PRMT9: variants seen among roughly 807,000 people sequenced by gnomAD.
PRMT9 encodes the protein protein arginine N-methyltransferase 9.
A neutral mutation model predicts 83.2 loss-of-function variants in PRMT9; 59 were observed. The ratio of observed to expected loss-of-function variants is 0.71; its 90% CI spans 0.57 to 0.88. The LOEUF is 0.88. Ranked by LOEUF, PRMT9 falls within the 40% of genes least tolerant of loss-of-function variation. The pLI, the probability that PRMT9 is intolerant of heterozygous loss-of-function variation, is 0.00. For synonymous variants in PRMT9, 333 were observed against 353.2 expected, an observed-to-expected ratio of 0.94 and a Z score of 0.64; for missense variants, 947 against 1,021.9, an observed-to-expected ratio of 0.93 and a Z score of 1.00.
intron 10 of PRMT9, among the ~76,000 whole-genome samples, chr4:147,641,890 G>A (rs986282111): frequency 5.3e-5 from 8 of 152,084 alleles, no homozygotes; most frequent in Non-Finnish European, 1.2e-4. Context: ...TTGAACTTAT[G>A]AGCTCGAGCA....
chr4:147,653,042 T>C (rs75989385), intron 9 of PRMT9, among the ~76,000 whole-genome samples: 8,805 of 152,296 alleles, frequency 0.058, 327 homozygotes, highest in Non-Finnish European at 0.081. Flanking sequence ...ATATATGGAT[T>C]CATGCGTGTG....
rs181264938 is a variant in PRMT9 at position 147,672,232 on chromosome 4, G to A, written c.743+727C>T. Among the ~76,000 whole-genome samples the A allele has an allele frequency of 3.3e-5, 5 of 152,332 alleles. No individual in the cohort carries two copies. In the East Asian group the frequency reaches 9.6e-4, roughly 29 times the overall value. ...TATGTTAAGATAAATACTATTATAT[G>A]TATGGAAGAAAACTTTTTAAAGTCA... On this transcript the variant is annotated intron_variant, in intron 4 of 11. Transcript: ENST00000322396.
Position 147,661,689 on chromosome 4 carries a change from C to T in PRMT9, c.954-651G>A, listed in dbSNP as rs1416381422. On this transcript the variant is annotated intron_variant, in intron 6 of 11. Coordinates refer to ENST00000322396, the MANE Select transcript of PRMT9 (RefSeq NM_138364.4). The stretch of plus-strand genomic sequence containing the variant: ...CCTGTAGTTCCAGCTACTTGGAAGG[C>T]TGAGGCAGGAGAATGCAGTGAACCC... Among the ~76,000 whole-genome samples the T allele has an allele frequency of 2.7e-5, 4 of 145,976 alleles. No homozygotes were observed. In the East Asian group the frequency reaches 8.3e-4, roughly 30 times the overall value.
intron 7 of PRMT9, 29 bp from the exon 8 acceptor site, chr4:147,658,004 GTT>G: frequency 6.9e-7 from 1 of 1,446,988 alleles, no homozygotes; most frequent in Non-Finnish European, 9.6e-7. Flanking sequence ...GAATGAAACG[GTT>G]TTATATATTT....
intron 10 of PRMT9, among the ~76,000 whole-genome samples, chr4:147,640,201 T>G (rs1166398979): frequency 6.7e-6 from 1 of 150,372 alleles, no homozygotes; most frequent in Non-Finnish European, 1.5e-5. Context: ...GCCTCCCAAG[T>G]AGCTAGGACT....
At chr4:147,645,812 G>A (rs1733690233) in intron 9 of PRMT9, among the ~76,000 whole-genome samples, 1 of 152,212 alleles carries the variant, frequency 6.6e-6, no homozygotes, top group African/African-American at 2.4e-5. Flanking sequence ...AGGAAAGTTA[G>A]AGATGACTCC....
At chr4:147,680,251 A>T in intron 2 of PRMT9, 72 bp downstream of exon 2, 1 of 1,384,978 alleles carries the variant, frequency 7.2e-7, no homozygotes, top group Non-Finnish European at 1.0e-6. Context: ...TGTTAAAATT[A>T]CAGTATGATT....
intron 2 of PRMT9, among the ~76,000 whole-genome samples, chr4:147,678,353 T>C (rs907644772): frequency 3.3e-5 from 5 of 152,232 alleles, no homozygotes; most frequent in Non-Finnish European, 7.3e-5. Flanking sequence ...ATGTGAGCAA[T>C]TGTCACTTTC....
chr4:147,677,217 A>T (rs1462446899), intron 2 of PRMT9, among the ~76,000 whole-genome samples: 1 of 152,032 alleles, frequency 6.6e-6, no homozygotes, highest in East Asian at 1.9e-4. Flanking sequence ...AGATGTATTA[A>T]AACAAACCCA....
In PRMT9 at chr4:147,681,711, C is replaced by T. The variant is rs1736480870; in HGVS notation, c.190-1240G>A. On this transcript the variant is annotated intron_variant, in intron 1 of 11. Transcript: ENST00000322396. ...CTGAGGCAGGAGAATTGCTTGAACCCAGGAGGTGGAGGTTGCAGTGAACCG... is the reference window on the plus strand; with the variant it reads ...CTGAGGCAGGAGAATTGCTTGAACCTAGGAGGTGGAGGTTGCAGTGAACCG... Among the ~76,000 whole-genome samples the T allele has an allele frequency of 3.3e-5, 5 of 151,866 alleles. No individual in the cohort carries two copies. The South Asian group carries it at 1.0e-3, about 32-fold the overall frequency.
At chr4:147,644,414 G>A (rs929809856) in intron 9 of PRMT9, among the ~76,000 whole-genome samples, 2 of 150,712 alleles carry the variant, frequency 1.3e-5, no homozygotes, top group Non-Finnish European at 3.0e-5. Flanking sequence ...TACTGGAGGA[G>A]AGAGAGTCAA....
In PRMT9 at chr4:147,669,043, G is replaced by A. The variant is rs572357989; in HGVS notation, c.847-398C>T. On this transcript the variant is annotated intron_variant, in intron 5 of 11. Transcript: ENST00000322396. The stretch of plus-strand genomic sequence containing the variant: ...AGAGGCTGCAGTGAGCCGAGATCAC[G>A]CCACTGCACTCCAGCCTGGGCTACA... 2.0e-3 allele frequency among the ~76,000 whole-genome samples: 306 copies of A among 151,878 alleles called. 1 individual carries two copies. The highest frequency in any genetic ancestry group is 3.8e-3 in the Non-Finnish European group (257 of 67,956).
intron 4 of PRMT9, among the ~76,000 whole-genome samples, chr4:147,671,302 T>C (rs1490234709): frequency 6.6e-6 from 1 of 152,224 alleles, no homozygotes; most frequent in Non-Finnish European, 1.5e-5. Context: ...CTCCTATATG[T>C]TGACTGTGCC....
At chr4:147,649,060 CGTT>C (rs924770422) in intron 9 of PRMT9, among the ~76,000 whole-genome samples, 8 of 151,976 alleles carry the variant, frequency 5.3e-5, no homozygotes, top group African/African-American at 1.5e-4. Context: ...AAAAAAATAA[CGTT>C]GTAACTCAAA....
chr4:147,660,079 T>C (rs1299372721), intron 7 of PRMT9, among the ~76,000 whole-genome samples: 1 of 152,214 alleles, frequency 6.6e-6, no homozygotes, highest in African/African-American at 2.4e-5. Context: ...GGATTATTGT[T>C]CATTTTGTTA....
intron 9 of PRMT9, among the ~76,000 whole-genome samples, chr4:147,650,525 A>G (rs1043053323): frequency 6.6e-6 from 1 of 152,244 alleles, no homozygotes; most frequent in Non-Finnish European, 1.5e-5. Flanking sequence ...TAGCTTAAAA[A>G]AAAATTTAAA....
At chr4:147,642,970 C>G in intron 9 of PRMT9, 30 bp from the exon 10 acceptor site, 3 of 1,609,682 alleles carry the variant, frequency 1.9e-6, no homozygotes, top group African/African-American at 1.3e-5. Context: ...TTTTAAAAAG[C>G]TCTTGGGGCA....
intron 9 of PRMT9, among the ~76,000 whole-genome samples, chr4:147,652,749 T>C (rs1734199949): frequency 1.4e-5 from 2 of 138,296 alleles, no homozygotes; most frequent in South Asian, 2.4e-4. Context: ...AAAAAATCTA[T>C]AAACTAATAC....
At chr4:147,653,600 T>A (rs997085156) in intron 9 of PRMT9, among the ~76,000 whole-genome samples, 4 of 151,984 alleles carry the variant, frequency 2.6e-5, no homozygotes, top group Non-Finnish European at 5.9e-5. Flanking sequence ...TGCACCAAAG[T>A]AAGAACATGC....
Sources: allele counts gnomAD v4.1 joint callset (sites outside exome capture counted in the v4.1 genomes callset), GRCh38; gene constraint gnomAD v4.1.1; transcripts MANE v1.5; gene names NCBI Gene and HGNC (gene_info 2026-07-23, HGNC 2026-07-21).